GMDS: variants seen among roughly 807,000 people sequenced by gnomAD.
GMDS encodes the protein GDP-mannose 4,6-dehydratase.
Under a neutral mutation model 49.9 loss-of-function variants are expected in GMDS, and 20 were observed. The observed-to-expected ratio is 0.40, with a 90% CI of 0.28 to 0.58. The LOEUF is 0.58. GMDS is among the 20% of genes least tolerant of loss of function. The pLI, the probability that GMDS is intolerant of heterozygous loss-of-function variation, is 0.42. For missense variants in GMDS, 362 were observed against 481.4 expected (o/e 0.75, Z 2.32); for synonymous variants, 177 against 178.6 (o/e 0.99, Z 0.07).
intron 9 of GMDS, among the ~76,000 whole-genome samples, chr6:1,659,640 G>A (rs1050216091): frequency 1.3e-5 from 2 of 152,128 alleles, no homozygotes; most frequent in African/African-American, 2.4e-5. Flanking sequence ...ACAGGATAGG[G>A]TAGCTGCTTC....
Position 1,693,694 on chromosome 6 carries a change from C to T in GMDS, c.987+32722G>A, listed in dbSNP as rs540927814. Among the ~76,000 whole-genome samples the T allele has an allele frequency of 4.6e-5, 7 of 152,158 alleles. No individual in the cohort carries two copies. The South Asian group carries it at 6.2e-4, about 14-fold the overall frequency. On this transcript the variant is annotated intron_variant, in intron 9 of 10. Coordinates refer to ENST00000380815, the MANE Select transcript of GMDS (RefSeq NM_001500.4). ...TGCTAGTGTTTAGTATCACTCAATGCGGCCATCAACTTGGCAAGGGTTGAC... is the reference window on the plus strand; with the variant it reads ...TGCTAGTGTTTAGTATCACTCAATGTGGCCATCAACTTGGCAAGGGTTGAC...
intron 1 of GMDS, among the ~76,000 whole-genome samples, chr6:2,182,208 G>T (rs769222616): frequency 6.6e-6 from 1 of 152,252 alleles, no homozygotes; most frequent in Non-Finnish European, 1.5e-5. Context: ...TGATGGTTGA[G>T]AGAGGTGAGG....
At chr6:2,065,146 C>A (rs1771475897) in intron 4 of GMDS, among the ~76,000 whole-genome samples, 1 of 152,118 alleles carries the variant, frequency 6.6e-6, no homozygotes, top group African/African-American at 2.4e-5. Flanking sequence ...CTGGGAGGCA[C>A]CCCCCAGCAG....
At chr6:2,125,988 C>T (rs1348074805) in intron 1 of GMDS, among the ~76,000 whole-genome samples, 1 of 152,112 alleles carries the variant, frequency 6.6e-6, no homozygotes, top group Non-Finnish European at 1.5e-5. Context: ...ATGAAGGTGT[C>T]TGACAAAATA....
chr6:1,883,503 A>C (rs958748329), intron 7 of GMDS, among the ~76,000 whole-genome samples: 2 of 152,192 alleles, frequency 1.3e-5, no homozygotes, highest in Non-Finnish European at 2.9e-5. Context: ...TAAATACCTT[A>C]AAGACAATTT....
chr6:1,674,545 ACTCT>A lies in GMDS; in HGVS notation c.988-50009_988-50006del, dbSNP rs1224533876. Among the ~76,000 whole-genome samples the A allele has an allele frequency of 6.1e-3, 756 of 123,302 alleles. 25 individuals carry two copies. Among genetic ancestry groups the A allele is most frequent in the African/African-American group, 0.018 (569 of 31,442 alleles). The allele number at this position is 123,302 out of a possible 152,430, so 80.9% of individuals were successfully genotyped here. A position where few individuals can be genotyped will look rare whatever the true frequency, so the allele number is the denominator to read the frequency against. On this transcript the variant is annotated intron_variant, in intron 9 of 10. Transcript: ENST00000380815. ...ATTTTTCTGAAGTTCCAACTCATCAACTCTCTCTCTCTCTCTTTTTTTTTTTTTT... is the reference window on the plus strand; with the variant it reads ...ATTTTTCTGAAGTTCCAACTCATCAACTCTCTCTCTCTTTTTTTTTTTTTT...
intron 4 of GMDS, among the ~76,000 whole-genome samples, chr6:1,961,826 G>A (rs535758872): frequency 1.3e-5 from 2 of 152,292 alleles, no homozygotes; most frequent in South Asian, 2.1e-4. Context: ...ACTGGTCTTC[G>A]TCACTGCTGG....
chr6:1,902,839 T>C (rs1408430666), intron 7 of GMDS, among the ~76,000 whole-genome samples: 1 of 152,206 alleles, frequency 6.6e-6, no homozygotes, highest in Non-Finnish European at 1.5e-5. Flanking sequence ...AACTATTGTT[T>C]ATTAACAAAA....
intron 4 of GMDS, among the ~76,000 whole-genome samples, chr6:2,043,865 G>GAAAA (rs149832809): frequency 6.7e-6 from 1 of 149,524 alleles, no homozygotes. Context: ...CAAATTTGCA[G>GAAAA]AAAAAAAAAC....
intron 7 of GMDS, among the ~76,000 whole-genome samples, chr6:1,746,328 T>C (rs760711812): frequency 5.9e-5 from 9 of 152,228 alleles, no homozygotes; most frequent in Non-Finnish European, 1.0e-4. Context: ...CAAATACTTA[T>C]TTACTTTCAG....
chr6:2,139,612 T>C (rs1302452572), intron 1 of GMDS, among the ~76,000 whole-genome samples: 2 of 152,116 alleles, frequency 1.3e-5, no homozygotes, highest in Admixed American at 6.6e-5. Context: ...ACTCTAATTA[T>C]CCCCACATTA....
At chr6:2,051,741 AC>A (rs1270133233) in intron 4 of GMDS, among the ~76,000 whole-genome samples, 1 of 152,120 alleles carries the variant, frequency 6.6e-6, no homozygotes, top group East Asian at 1.9e-4. Context: ...CATATATTAA[AC>A]CACATGATTT....
chr6:1,943,650 ACATT>A (rs1762922342), intron 6 of GMDS, among the ~76,000 whole-genome samples: 4 of 152,206 alleles, frequency 2.6e-5, no homozygotes, highest in Admixed American at 1.3e-4. Context: ...TTCCACTGAT[ACATT>A]TATTTTTCAA....
In GMDS at chr6:2,072,499, A is replaced by T. The variant is rs114365965; in HGVS notation, c.345+43272T>A. Among the ~76,000 whole-genome samples the T allele has an allele frequency of 4.8e-3, 726 of 152,314 alleles. 1 individual carries two copies. Among genetic ancestry groups the T allele is most frequent in the Middle Eastern group, 0.01 (3 of 294 alleles). On this transcript the variant is annotated intron_variant, in intron 4 of 10. Transcript: ENST00000380815. ...AAAGCTATTAGGAGCATGAACTCTA[A>T]GTTTTAGTTTCATAGGAGTAGGGAG...
chr6:1,765,607 G>A (rs950163860), intron 7 of GMDS, among the ~76,000 whole-genome samples: 2 of 152,162 alleles, frequency 1.3e-5, no homozygotes, highest in Non-Finnish European at 2.9e-5. Context: ...AGACATGCTT[G>A]GAGGACTGAC....
At chr6:1,661,369 A>C (rs1161311443) in intron 9 of GMDS, among the ~76,000 whole-genome samples, 1 of 152,170 alleles carries the variant, frequency 6.6e-6, no homozygotes, top group Non-Finnish European at 1.5e-5. Context: ...CTCAACATTT[A>C]AGCAGCTTTG....
At chr6:1,798,901 T>TTC (rs1561811871) in intron 7 of GMDS, among the ~76,000 whole-genome samples, 1 of 152,200 alleles carries the variant, frequency 6.6e-6, no homozygotes. Context: ...CTTCAAAACA[T>TTC]ACTTCTTCCT....
chr6:2,162,948 C>T (rs755933373), intron 1 of GMDS, among the ~76,000 whole-genome samples: 3 of 152,134 alleles, frequency 2.0e-5, no homozygotes, highest in South Asian at 2.1e-4. Context: ...CTCACTCTAT[C>T]GGCTCTGGGA....
intron 1 of GMDS, among the ~76,000 whole-genome samples, chr6:2,132,556 T>G (rs981623162): frequency 2.0e-5 from 3 of 152,154 alleles, no homozygotes; most frequent in African/African-American, 7.2e-5. Context: ...CAAAATGTTC[T>G]TGCTATCAGA....
Sources: allele counts gnomAD v4.1 joint callset (sites outside exome capture counted in the v4.1 genomes callset), GRCh38; gene constraint gnomAD v4.1.1; transcripts MANE v1.5; gene names NCBI Gene and HGNC (gene_info 2026-07-23, HGNC 2026-07-21).